Variants in POTEC observed in about 807,000 individuals in gnomAD.
The protein encoded by POTEC is ANKRD26-like family B member 2.
In POTEC, 35 loss-of-function variants were observed where a neutral mutation model predicts 62.0. That is an observed-to-expected ratio of 0.56 (90% CI 0.43 to 0.75). The LOEUF is 0.75. Among genes scored for constraint, POTEC ranks in the 30% least tolerant of loss-of-function variants. The pLI is 0.00. For synonymous variants in POTEC, 156 were observed against 221.5 expected (o/e 0.70, Z 2.62); for missense variants, 472 against 655.9 (o/e 0.72, Z 3.06).
intron 9 of POTEC, among the ~76,000 whole-genome samples, chr18:14,517,394 C>A (rs1036878972): frequency 2.6e-5 from 4 of 152,200 alleles, no homozygotes; most frequent in African/African-American, 4.8e-5. Flanking sequence ...AATACAGCCA[C>A]GCAGCAGTAC....
Position 14,512,006 on chromosome 18 carries a change from A to T in POTEC, c.1534-13T>A. On this transcript the variant is annotated splice_polypyrimidine_tract_variant and intron_variant, in intron 10 of 10. Transcript: ENST00000358970. ...GACTAAGAGAAAGCTAAGTAAACAA[A>T]GGGAACTTTTAGTTAGCACTCAATA... 1 of 1,599,520 alleles carries T rather than the reference A, an allele frequency of 6.3e-7. No homozygotes were observed. Among genetic ancestry groups the T allele is most frequent in the East Asian group, 2.2e-5 (1 of 44,754 alleles).
chr18:14,535,996 G>C (rs1235631922), intron 3 of POTEC, among the ~76,000 whole-genome samples: 1 of 151,810 alleles, frequency 6.6e-6, no homozygotes, highest in Non-Finnish European at 1.5e-5. Context: ...GGCCAGGAAT[G>C]GTGGCTCACA....
At chr18:14,521,771 T>A (rs1481627495) in intron 9 of POTEC, among the ~76,000 whole-genome samples, 1 of 152,182 alleles carries the variant, frequency 6.6e-6, no homozygotes, top group African/African-American at 2.4e-5. Flanking sequence ...AAATGCCACA[T>A]ATTCTTCTTA....
chr18:14,519,276 A>G (rs1380035580), intron 9 of POTEC, among the ~76,000 whole-genome samples: 1 of 152,216 alleles, frequency 6.6e-6, no homozygotes, highest in Non-Finnish European at 1.5e-5. Context: ...TCAGTAGCCC[A>G]ATTTTGGATC....
At chr18:14,513,032 AG>A (rs1223000573) in intron 10 of POTEC, among the ~76,000 whole-genome samples, 2 of 151,854 alleles carry the variant, frequency 1.3e-5, no homozygotes, top group Non-Finnish European at 3.0e-5. Context: ...ACATTATAGT[AG>A]TAAGTGTGAA....
chr18:14,533,873 CTCT>C (rs1048851964), intron 4 of POTEC, among the ~76,000 whole-genome samples: 4 of 141,400 alleles, frequency 2.8e-5, no homozygotes, highest in Admixed American at 7.2e-5. Flanking sequence ...TCTTTTCTCT[CTCT>C]TTTTTTTTTT....
At position 14,534,995 on chromosome 18, in the gene POTEC, G is replaced by A. The variant is rs1415773883; in HGVS notation, c.823C>T (p.Pro275Ser). The change falls in exon 4 of 11, where the codon CCA becomes TCA. Residue 275 changes from proline (P) to serine (S), a missense_variant. Physicochemically the swap from Pro to Ser is moderately conservative, Grantham distance 74 (BLOSUM62 -1). This residue lies in a region of POTEC where 83 missense variants were observed against 254.3 expected (regional missense o/e 0.33). Coordinates refer to ENST00000358970, the MANE Select transcript of POTEC (RefSeq NM_001137671.2). ...IESKNKCGLT[P>S]LLLGVHEQKQ... The stretch of plus-strand genomic sequence containing the variant: ...TGTTCATGTACGCCAAGCAAAAGTG[G>A]TGTGAGGCCACACTGTAAAACAATA... 4 of 1,557,722 alleles carry A rather than the reference G, an allele frequency of 2.6e-6. No homozygotes were observed. The highest frequency in any genetic ancestry group is 2.6e-6 in the Non-Finnish European group (3 of 1,156,282).
intron 1 of POTEC, among the ~76,000 whole-genome samples, chr18:14,539,233 CTT>C (rs1905850525): frequency 1.3e-5 from 2 of 151,780 alleles, no homozygotes; most frequent in Middle Eastern, 6.8e-3. Context: ...TAAATTTTCT[CTT>C]TTTAAAATGG....
rs756029134 is a variant in POTEC, at chr18:14,542,869, G to A, written c.278C>T (p.Thr93Met). 3 of 1,296,614 alleles carry A rather than the reference G, an allele frequency of 2.3e-6. No individual in the cohort carries two copies. Among genetic ancestry groups the A allele is most frequent in the Middle Eastern group, 2.0e-4 (1 of 5,040 alleles). 80.3% of individuals were successfully genotyped at this position (1,296,614 alleles called of 1,614,324 possible). A position where few individuals can be genotyped will look rare whatever the true frequency, so the allele number is the denominator to read the frequency against. The change falls in exon 1 of 11, where the codon ACG becomes ATG. Residue 93 changes from threonine to methionine, a missense_variant. Around this residue, in one of 5 missense-constraint regions of POTEC, gnomAD observed 257 missense variants for 250.7 expected, o/e 1.03. Coordinates refer to ENST00000358970, the MANE Select transcript of POTEC (RefSeq NM_001137671.2). ...SGDHDNSFMK[T>M]LRSKMGKWCC... The stretch of plus-strand genomic sequence containing the variant: ...CCACTTGCCCATCTTGCTCCTGAGC[G>A]TCTTCATAAAGGAGTTGTCATGGTC...
rs758012700 is a variant in POTEC at position 14,542,958 on chromosome 18, C to A, written c.189G>T (p.Lys63Asn). Residue 63 changes from lysine to asparagine, a missense_variant, in exon 1 of 11, where the codon AAG becomes AAT. By Grantham distance (94) the Lys-to-Asn change is moderately conservative (BLOSUM62 0). Coordinates refer to ENST00000358970, the MANE Select transcript of POTEC (RefSeq NM_001137671.2). ...AGCAGGGGAAGCAGTGGTGGCAACA[C>A]TTGCCCATCTTGCTCCTGAGCATCT... ...FMKMLRSKMG[K>N]CCHHCFPCCR... 3 of 1,573,804 alleles carry A rather than the reference C, an allele frequency of 1.9e-6. No individual in the cohort carries two copies. Among genetic ancestry groups the A allele is most frequent in the Non-Finnish European group, 2.6e-6 (3 of 1,156,974 alleles).
At chr18:14,538,096 C>A (rs749073533) in intron 2 of POTEC, 39 bp downstream of exon 2, 3 of 1,481,166 alleles carry the variant, frequency 2.0e-6, no homozygotes, top group Admixed American at 4.8e-5. Context: ...CTATTGAAAT[C>A]AAACCCATCT....
intron 9 of POTEC, among the ~76,000 whole-genome samples, chr18:14,516,503 C>A (rs1910163614): frequency 7.4e-6 from 1 of 134,446 alleles, no homozygotes; most frequent in Non-Finnish European, 1.6e-5. Flanking sequence ...AGGGAAAGAG[C>A]CCATTATAGA....
At chr18:14,513,518 G>A in intron 10 of POTEC, 144 bp downstream of exon 10, 2 of 1,301,700 alleles carry the variant, frequency 1.5e-6, no homozygotes, top group Non-Finnish European at 2.0e-6. Context: ...GGATATACAG[G>A]GTGTGTGTTT....
In POTEC at chr18:14,510,199, G is replaced by A. The variant is rs1191821921; in HGVS notation, c.*1699C>T. On this transcript the variant is annotated 3_prime_UTR_variant, in exon 11 of 11. Transcript: ENST00000358970. ...TGTCTGGTGATGAGCAGTAAGGGGT[G>A]TGTTGTACCTGTGGAAGATGGACTG... 1 of 152,336 alleles carries A rather than the reference G, an allele frequency of 6.6e-6. No individual in the cohort carries two copies. The highest frequency in any genetic ancestry group is 1.5e-5 in the Non-Finnish European group (1 of 68,134). 9.4% of individuals were successfully genotyped at this position (152,336 alleles called of 1,614,324 possible). A position where few individuals can be genotyped will look rare whatever the true frequency, so the allele number is the denominator to read the frequency against.
rs1178399722 is a variant in POTEC at position 14,510,523 on chromosome 18, T to A, written c.*1375A>T. 6.6e-6 allele frequency: 1 copy of A among 151,912 alleles called. No homozygotes were observed. Among genetic ancestry groups the A allele is most frequent in the East Asian group, 1.9e-4 (1 of 5,150 alleles). 9.4% of individuals were successfully genotyped at this position (151,912 alleles called of 1,614,324 possible). A position where few individuals can be genotyped will look rare whatever the true frequency, so the allele number is the denominator to read the frequency against. On this transcript the variant is annotated 3_prime_UTR_variant, in exon 11 of 11. Coordinates refer to ENST00000358970, the MANE Select transcript of POTEC (RefSeq NM_001137671.2). Reference sequence around the variant, plus strand: ...TTTCTGTGGGGCTGCCGTGGTATGCTGGGGGTCCACTCCAGTCGCCAATTG... The same window carrying A: ...TTTCTGTGGGGCTGCCGTGGTATGCAGGGGGTCCACTCCAGTCGCCAATTG...
At chr18:14,517,659 C>T (rs138446251) in intron 9 of POTEC, among the ~76,000 whole-genome samples, 3,238 of 152,086 alleles carry the variant, frequency 0.021, 111 homozygotes, top group African/African-American at 0.073. Context: ...GTACAGAGTT[C>T]GAGACCAGCC....
chr18:14,514,701 TA>T (rs71367949), intron 9 of POTEC, among the ~76,000 whole-genome samples: 60,305 of 150,240 alleles, frequency 0.4, 13,269 homozygotes, highest in African/African-American at 0.58. Flanking sequence ...TGGGAAGCCC[TA>T]AGGCAGAGCA....
chr18:14,538,080 T>C lies in POTEC; in HGVS notation c.636+55A>G, dbSNP rs1598482161. 3 of 1,495,360 alleles carry C rather than the reference T, an allele frequency of 2.0e-6. No homozygotes were observed. The South Asian group carries it at 4.1e-5, about 20-fold the overall frequency. 92.6% of individuals were successfully genotyped at this position (1,495,360 alleles called of 1,614,324 possible). ...ATTTAAATGAGAAAACTCATTTTTA[T>C]GCTATCTATTGAAATCAAACCCATC... On this transcript the variant is annotated intron_variant, in intron 2 of 10. Coordinates refer to ENST00000358970, the MANE Select transcript of POTEC (RefSeq NM_001137671.2).
intron 9 of POTEC, among the ~76,000 whole-genome samples, chr18:14,521,747 A>C (rs1485216846): frequency 6.6e-6 from 1 of 152,186 alleles, no homozygotes; most frequent in Non-Finnish European, 1.5e-5. Context: ...AAACTAATGC[A>C]GGAACAGAAA....
Sources: allele counts gnomAD v4.1 joint callset (sites outside exome capture counted in the v4.1 genomes callset), GRCh38; gene constraint gnomAD v4.1.1; regional missense constraint gnomAD v4.1.1; transcripts MANE v1.5; gene names NCBI Gene and HGNC (gene_info 2026-07-23, HGNC 2026-07-21).